Variants in ACTR3 observed in about 807,000 individuals in gnomAD.
ACTR3 encodes actin-related protein 3.
In ACTR3, 12 loss-of-function variants were observed where a neutral mutation model predicts 56.8. That is an observed-to-expected ratio of 0.21 (90% CI 0.14 to 0.34). The LOEUF (loss-of-function observed/expected upper bound fraction) is 0.34, where lower values mean the gene tolerates loss of function less well. ACTR3 is among the 10% of genes least tolerant of loss of function. The probability of loss-of-function intolerance (pLI) is 1.00; values close to 1 mark genes in which losing one functional copy is unlikely to be tolerated. For missense variants in ACTR3, 282 were observed against 512.5 expected (o/e 0.55, Z 4.34); for synonymous variants, 162 against 167.4 (o/e 0.97, Z 0.25).
At chr2:113,922,722 G>C (rs1679534212) in intron 3 of ACTR3, among the ~76,000 whole-genome samples, 1 of 152,204 alleles carries the variant, frequency 6.6e-6, no homozygotes. Context: ...TATATGCTGG[G>C]TTGGATTTTG....
chr2:113,951,959 T>C, intron 10 of ACTR3, 114 bp downstream of exon 10: 1 of 1,339,070 alleles, frequency 7.5e-7, no homozygotes, highest in South Asian at 1.4e-5. Context: ...CTGTCAGGTA[T>C]TCTAATGGAA....
chr2:113,918,310 A>C (rs1387519854), intron 3 of ACTR3, among the ~76,000 whole-genome samples: 1 of 151,884 alleles, frequency 6.6e-6, no homozygotes, highest in Non-Finnish European at 1.5e-5. Flanking sequence ...TCAGTGACTT[A>C]ACCTTTCTGA....
chr2:113,941,123 G>A (rs1259180100), intron 7 of ACTR3, among the ~76,000 whole-genome samples: 5 of 151,882 alleles, frequency 3.3e-5, no homozygotes. Flanking sequence ...CTTGTTTATG[G>A]GATTTTCCTT....
At chr2:113,937,286 AGT>A (rs1005773833) in intron 6 of ACTR3, among the ~76,000 whole-genome samples, 6 of 152,100 alleles carry the variant, frequency 3.9e-5, no homozygotes, top group Non-Finnish European at 7.4e-5. Context: ...TTGTATTTTT[AGT>A]AGAGACGGGG....
Position 113,890,154 on chromosome 2 carries a change from AC to A in ACTR3, c.-120del, listed in dbSNP as rs1488751259. ...TTGCTACTGCTTCGGCTTCCCGGCT[AC>A]CCCCCGGACGGTGAAGGCGGCCCAG... On this transcript the variant is annotated 5_prime_UTR_variant, in exon 1 of 12. Coordinates refer to ENST00000263238, the MANE Select transcript of ACTR3 (RefSeq NM_005721.5). 11 of 1,265,074 alleles carry A rather than the reference AC, an allele frequency of 8.7e-6. No homozygotes were observed. Among genetic ancestry groups the A allele is most frequent in the South Asian group, 6.4e-5 (5 of 77,976 alleles). 78.4% of individuals were successfully genotyped at this position (1,265,074 alleles called of 1,614,324 possible). A position where few individuals can be genotyped will look rare whatever the true frequency, so the allele number is the denominator to read the frequency against.
intron 7 of ACTR3, among the ~76,000 whole-genome samples, chr2:113,941,248 T>G (rs1463887896): frequency 6.6e-6 from 1 of 152,168 alleles, no homozygotes. Context: ...ATATAAAAAG[T>G]TAATGTGAAT....
chr2:113,948,926 C>G (rs964873208), intron 8 of ACTR3, among the ~76,000 whole-genome samples: 1 of 74,056 alleles, frequency 1.4e-5, no homozygotes, highest in Non-Finnish European at 2.2e-5. Flanking sequence ...CTTTCCCTCT[C>G]TCTTGTGTTG....
At chr2:113,905,928 T>TGC (rs1679183734) in intron 1 of ACTR3, among the ~76,000 whole-genome samples, 1 of 152,250 alleles carries the variant, frequency 6.6e-6, no homozygotes, top group Non-Finnish European at 1.5e-5. Context: ...TTCCACCTTT[T>TGC]AGCTATTGCA....
At chr2:113,890,485 C>T in intron 1 of ACTR3, 162 bp downstream of exon 1, 1 of 1,291,318 alleles carries the variant, frequency 7.7e-7, no homozygotes, top group Admixed American at 3.2e-5. Context: ...GCCAGGGCCT[C>T]GCGGGTCCCC....
rs180953529 is a variant in ACTR3 at position 113,932,498 on chromosome 2, G to A, written c.432+1102G>A. Among the ~76,000 whole-genome samples the A allele has an allele frequency of 3.1e-3, 473 of 152,174 alleles. 4 individuals carry two copies. Among genetic ancestry groups the A allele is most frequent in the African/African-American group, 0.011 (447 of 41,518 alleles). ...AGCTTTGTTTCATTCCTCTGGAGTC[G>A]TAATTTGGTTTTTCAGTGATTTCCT... is the stretch of plus-strand genomic sequence containing the variant. On this transcript the variant is annotated intron_variant, in intron 5 of 11. Coordinates refer to ENST00000263238, the MANE Select transcript of ACTR3 (RefSeq NM_005721.5).
chr2:113,953,445 G>T (rs1451218920), intron 10 of ACTR3: 2 of 152,124 alleles, frequency 1.3e-5, no homozygotes, highest in African/African-American at 4.8e-5. Context: ...AAAGTTTTTG[G>T]ATCTTGGAGC....
chr2:113,942,272 T>C lies in ACTR3; in HGVS notation c.771T>C (p.Thr257=). 6.2e-7 allele frequency: 1 copy of C among 1,606,458 alleles called. No individual in the cohort carries two copies. The highest frequency in any genetic ancestry group is 8.5e-7 in the Non-Finnish European group (1 of 1,177,028). The stretch of plus-strand genomic sequence containing the variant: ...GGTCAAAATGGATTAAACAGTATAC[T>C]GGAATCAATGCTATCTCAAAGAAAG... The part of the protein sequence containing the change: ...TDGSKWIKQY[T]GINAISKKEF... Residue 257 remains threonine (T), a synonymous_variant, in exon 8 of 12, where the codon ACT becomes ACC. Coordinates refer to ENST00000263238, the MANE Select transcript of ACTR3 (RefSeq NM_005721.5).
intron 3 of ACTR3, 33 bp from the exon 4 acceptor site, chr2:113,927,312 A>G (rs1432593275): frequency 7.2e-7 from 1 of 1,384,582 alleles, no homozygotes; most frequent in Non-Finnish European, 9.8e-7. Context: ...TATTAATAAG[A>G]TTTAATTTGT....
chr2:113,959,826 G>C lies in ACTR3; in HGVS notation c.*2371G>C, dbSNP rs1414841102. The C allele has an allele frequency of 6.6e-6, 1 of 152,010 alleles. No homozygotes were observed. The highest frequency in any genetic ancestry group is 1.5e-5 in the Non-Finnish European group (1 of 67,928). 9.4% of individuals were successfully genotyped at this position (152,010 alleles called of 1,614,324 possible). ...AGCAAAAGCACTAACTGAAGCCAGT[G>C]ATTTAATTTTTAATTCTGATTCTGA... is the stretch of plus-strand genomic sequence containing the variant. On this transcript the variant is annotated 3_prime_UTR_variant, in exon 12 of 12. Transcript: ENST00000263238.
intron 2 of ACTR3, among the ~76,000 whole-genome samples, chr2:113,913,821 A>T (rs1475297675): frequency 6.6e-6 from 1 of 152,166 alleles, no homozygotes; most frequent in African/African-American, 2.4e-5. Context: ...AGTAGTTTTT[A>T]AAAAATATTC....
chr2:113,955,514 C>T (rs1680193311), intron 10 of ACTR3, 109 bp from the exon 11 acceptor site: 1 of 782,960 alleles, frequency 1.3e-6, no homozygotes, highest in Non-Finnish European at 2.0e-6. Flanking sequence ...AAGATACCAC[C>T]TGAATTTAGT....
At chr2:113,940,694 G>A (rs1679908165) in intron 7 of ACTR3, among the ~76,000 whole-genome samples, 1 of 149,772 alleles carries the variant, frequency 6.7e-6, no homozygotes. Context: ...AAATTTCAGT[G>A]GGTTTCACGT....
At chr2:113,913,025 G>T in intron 1 of ACTR3, 147 bp from the exon 2 acceptor site, 1 of 517,898 alleles carries the variant, frequency 1.9e-6, no homozygotes, top group Non-Finnish European at 3.4e-6. Context: ...AATTGTGAAA[G>T]TAGGGGTTAA....
At chr2:113,890,708 C>T (rs1186613696) in intron 1 of ACTR3, 13 of 1,099,082 alleles carry the variant, frequency 1.2e-5, no homozygotes, top group African/African-American at 1.6e-5. Flanking sequence ...TTTTGCCAGT[C>T]GGTTTGGGGA....
Sources: allele counts gnomAD v4.1 joint callset (sites outside exome capture counted in the v4.1 genomes callset), GRCh38; gene constraint gnomAD v4.1.1; transcripts MANE v1.5; gene names NCBI Gene and HGNC (gene_info 2026-07-23, HGNC 2026-07-21).